STIM2: variants seen among roughly 807,000 people sequenced by gnomAD.
STIM2 encodes stromal interaction molecule 2.
A neutral mutation model predicts 85.8 loss-of-function variants in STIM2; 31 were observed. The observed-to-expected ratio is 0.36, with a 90% CI of 0.27 to 0.49. STIM2 has a LOEUF of 0.49. Ranked by LOEUF, STIM2 falls within the 20% of genes least tolerant of loss-of-function variation. The probability of loss-of-function intolerance (pLI) is 0.98; values close to 1 mark genes in which losing one functional copy is unlikely to be tolerated. For synonymous variants in STIM2, 356 were observed against 331.1 expected (o/e 1.08, Z -0.82); for missense variants, 841 against 927.6 (o/e 0.91, Z 1.21).
chr4:26,949,186 G>A (rs1439316258), intron 2 of STIM2, among the ~76,000 whole-genome samples: 1 of 151,682 alleles, frequency 6.6e-6, no homozygotes, highest in East Asian at 1.9e-4. Context: ...TTATATTTTG[G>A]GTTTTATTAA....
chr4:26,882,391 A>G (rs1723044668), intron 1 of STIM2, among the ~76,000 whole-genome samples: 1 of 152,118 alleles, frequency 6.6e-6, no homozygotes, highest in African/African-American at 2.4e-5. Flanking sequence ...CCAAGAAGCA[A>G]TGCCCCCTTG....
chr4:27,007,542 G>T lies in STIM2; in HGVS notation c.991G>T (p.Ala331Ser). Residue 331 changes from alanine to serine, a missense_variant, in exon 8 of 12, where the codon GCT (alanine) becomes TCT (serine). Ala to Ser is a moderately conservative substitution (Grantham distance 99). Around this residue, in one of 3 missense-constraint regions of STIM2, gnomAD observed 408 missense variants for 525.4 expected, o/e 0.78. Coordinates refer to ENST00000467087, the MANE Select transcript of STIM2 (RefSeq NM_020860.4). The stretch of plus-strand genomic sequence containing the variant: ...CCTTTCCTTCTTCTAGGTTCGCATG[G>T]CTCTGAAAAAGGCCGAAAAAGAATT... The T allele has an allele frequency of 6.5e-7, 1 of 1,543,824 alleles. No homozygotes were observed. Among genetic ancestry groups the T allele is most frequent in the Non-Finnish European group, 8.7e-7 (1 of 1,143,428 alleles).
intron 2 of STIM2, among the ~76,000 whole-genome samples, chr4:26,949,673 C>G (rs1265524304): frequency 6.6e-6 from 1 of 152,084 alleles, no homozygotes; most frequent in Non-Finnish European, 1.5e-5. Context: ...CTCCATCTTA[C>G]TTCAGGGTCT....
intron 2 of STIM2, among the ~76,000 whole-genome samples, chr4:26,927,956 T>C (rs1725039432): frequency 6.6e-6 from 1 of 151,048 alleles, no homozygotes; most frequent in African/African-American, 2.4e-5. Flanking sequence ...CTGGGTAATC[T>C]ATAATGAACA....
At chr4:26,929,763 T>C (rs1185192596) in intron 2 of STIM2, among the ~76,000 whole-genome samples, 3 of 152,114 alleles carry the variant, frequency 2.0e-5, no homozygotes, top group East Asian at 3.8e-4. Context: ...TTGCTTGGAA[T>C]AGATTAGGAA....
At chr4:26,959,767 T>G (rs2109095176) in intron 3 of STIM2, among the ~76,000 whole-genome samples, 1 of 152,230 alleles carries the variant, frequency 6.6e-6, no homozygotes, top group South Asian at 2.1e-4. Flanking sequence ...CTTAAACCTC[T>G]TTTTCCCTAG....
At chr4:26,929,047 G>A (rs1390912343) in intron 2 of STIM2, among the ~76,000 whole-genome samples, 1 of 152,142 alleles carries the variant, frequency 6.6e-6, no homozygotes. Flanking sequence ...AAGTTGAGGT[G>A]TGCTATAAAG....
intron 3 of STIM2, among the ~76,000 whole-genome samples, chr4:26,973,740 G>C (rs1727069372): frequency 6.6e-6 from 1 of 152,184 alleles, no homozygotes; most frequent in Admixed American, 6.5e-5. Context: ...GAGTTCTGTA[G>C]ATGTCTATTA....
intron 1 of STIM2, among the ~76,000 whole-genome samples, chr4:26,891,558 T>TAC (rs71643700): frequency 0.043 from 6,159 of 144,566 alleles, 128 homozygotes; most frequent in South Asian, 0.053. Flanking sequence ...TATACATACA[T>TAC]ACACACACAC....
Position 26,961,102 on chromosome 4 carries a change from A to G in STIM2, c.397+3376A>G, listed in dbSNP as rs544474095. Among the ~76,000 whole-genome samples the G allele has an allele frequency of 3.7e-4, 57 of 152,216 alleles. 1 individual carries two copies. The highest frequency in any genetic ancestry group is 1.2e-4 in the Non-Finnish European group (8 of 67,994). Reference sequence around the variant, plus strand: ...TATAGTAGATATAGGAATTTACATTAAAAAATAATGAAGATAACTTTATAG... The same window carrying G: ...TATAGTAGATATAGGAATTTACATTGAAAAATAATGAAGATAACTTTATAG... On this transcript the variant is annotated intron_variant, in intron 3 of 11. Transcript: ENST00000467087.
chr4:27,002,792 T>A (rs1228049615), intron 6 of STIM2, 135 bp from the exon 7 acceptor site: 3 of 869,344 alleles, frequency 3.5e-6, no homozygotes, highest in East Asian at 3.2e-5. Context: ...TTAACCAAAC[T>A]TAAGGCTAAT....
intron 3 of STIM2, among the ~76,000 whole-genome samples, chr4:26,958,143 G>T (rs1334226309): frequency 6.6e-6 from 1 of 152,050 alleles, no homozygotes; most frequent in Non-Finnish European, 1.5e-5. Context: ...AATCCTTTAT[G>T]ATGTCTCGTA....
Position 26,937,117 on chromosome 4 carries a change from A to G in STIM2, c.282+17483A>G, listed in dbSNP as rs144302423. Among the ~76,000 whole-genome samples the G allele has an allele frequency of 4.6e-5, 7 of 151,900 alleles. No individual in the cohort carries two copies. The East Asian group carries it at 1.4e-3, about 29-fold the overall frequency. ...TTGCTTTTTTCTGGGAGTTGCCACA[A>G]CCCCTGCTTCAACTAATGACTGTTT... On this transcript the variant is annotated intron_variant, in intron 2 of 11. Transcript: ENST00000467087.
chr4:26,869,299 CAAA>C (rs71186495), intron 1 of STIM2, among the ~76,000 whole-genome samples: 24 of 85,826 alleles, frequency 2.8e-4, no homozygotes, highest in Admixed American at 3.9e-4. Flanking sequence ...ACCCTGTCTC[CAAA>C]AAAAAAAAAA....
chr4:26,885,103 A>G (rs1723165976), intron 1 of STIM2, among the ~76,000 whole-genome samples: 1 of 152,180 alleles, frequency 6.6e-6, no homozygotes, highest in Admixed American at 6.5e-5. Flanking sequence ...GTACACATGC[A>G]AAAACACAGA....
chr4:27,017,495 CTGTT>C (rs1728767244), intron 10 of STIM2, among the ~76,000 whole-genome samples: 1 of 151,178 alleles, frequency 6.6e-6, no homozygotes, highest in African/African-American at 2.4e-5. Context: ...ATGTTCACTT[CTGTT>C]TGTTTTTTAA....
chr4:26,880,974 G>T (rs1722994850), intron 1 of STIM2, among the ~76,000 whole-genome samples: 1 of 151,826 alleles, frequency 6.6e-6, no homozygotes, highest in African/African-American at 2.4e-5. Flanking sequence ...AACCATTTTG[G>T]TATTGTTCTT....
chr4:26,952,390 C>T (rs1726087506), intron 2 of STIM2, among the ~76,000 whole-genome samples: 1 of 152,024 alleles, frequency 6.6e-6, no homozygotes, highest in African/African-American at 2.4e-5. Flanking sequence ...TCCAAGAAAT[C>T]ATACAGAATA....
intron 3 of STIM2, among the ~76,000 whole-genome samples, chr4:26,990,023 T>C (rs537372701): frequency 1.3e-5 from 2 of 152,118 alleles, no homozygotes; most frequent in African/African-American, 4.8e-5. Flanking sequence ...AAAATGTCTT[T>C]ACTACCTAAA....
Sources: allele counts gnomAD v4.1 joint callset (sites outside exome capture counted in the v4.1 genomes callset), GRCh38; gene constraint gnomAD v4.1.1; regional missense constraint gnomAD v4.1.1; transcripts MANE v1.5; gene names NCBI Gene and HGNC (gene_info 2026-07-23, HGNC 2026-07-21).